The following ZFHX3 variants were observed in gnomAD, a reference collection of about 807,000 sequenced individuals.
ZFHX3 encodes zinc finger homeobox protein 3.
Under a neutral mutation model 279.1 loss-of-function variants are expected in ZFHX3, and 42 were observed. That is an observed-to-expected ratio of 0.15 (90% confidence interval 0.12 to 0.19). The LOEUF (loss-of-function observed/expected upper bound fraction) is 0.19. Ranked by LOEUF, ZFHX3 falls within the 10% of genes least tolerant of loss-of-function variation. ZFHX3 has a pLI of 1.00. For missense variants in ZFHX3, 4,981 were observed against 4,754.0 expected (o/e 1.05, Z -1.40); for synonymous variants, 2,293 against 1,957.8 (o/e 1.17, Z -4.52).
chr16:73,761,169 A>T (rs1001867745), intron 1 of ZFHX3, among the ~76,000 whole-genome samples: 8 of 152,110 alleles, frequency 5.3e-5, no homozygotes, highest in African/African-American at 1.7e-4. Flanking sequence ...CAAAAATCAT[A>T]AGCATTCCTA....
At chr16:73,706,945 T>C (rs2053310890) in intron 1 of ZFHX3, among the ~76,000 whole-genome samples, 1 of 152,210 alleles carries the variant, frequency 6.6e-6, no homozygotes, top group Non-Finnish European at 1.5e-5. Flanking sequence ...GCCCTGGCAG[T>C]GTATTGCACA....
intron 3 of ZFHX3, among the ~76,000 whole-genome samples, chr16:73,357,558 A>G (rs2016364862): frequency 6.6e-6 from 1 of 152,150 alleles, no homozygotes; most frequent in African/African-American, 2.4e-5. Context: ...AGCTACTTCA[A>G]TGTCACTGTG....
At chr16:73,378,068 A>AAAAT (rs2016755515) in intron 3 of ZFHX3, among the ~76,000 whole-genome samples, 1 of 144,322 alleles carries the variant, frequency 6.9e-6, no homozygotes, top group Non-Finnish European at 1.5e-5. Flanking sequence ...AAAAAAAAAA[A>AAAAT]ATCTTATACA....
At chr16:73,317,991 T>C (rs1283877576) in intron 4 of ZFHX3, among the ~76,000 whole-genome samples, 1 of 152,184 alleles carries the variant, frequency 6.6e-6, no homozygotes, top group Non-Finnish European at 1.5e-5. Flanking sequence ...AAGCATCCAT[T>C]TGGGTTATGA....
chr16:73,041,069 T>C (rs1353368161), intron 1 of ZFHX3, among the ~76,000 whole-genome samples: 6 of 152,228 alleles, frequency 3.9e-5, no homozygotes, highest in African/African-American at 9.6e-5. Context: ...CCATTCACTG[T>C]TGAGTCCCCA....
At chr16:73,290,417 G>A (rs2014738746) in intron 4 of ZFHX3, among the ~76,000 whole-genome samples, 1 of 152,220 alleles carries the variant, frequency 6.6e-6, no homozygotes, top group South Asian at 2.1e-4. Context: ...TCTAGGAAGA[G>A]GGAAGAGCCT....
At chr16:73,516,812 C>T (rs776052696) in intron 2 of ZFHX3, among the ~76,000 whole-genome samples, 2 of 152,176 alleles carry the variant, frequency 1.3e-5, no homozygotes, top group Non-Finnish European at 2.9e-5. Flanking sequence ...AGAGTATGTG[C>T]TGAATAGTTT....
At chr16:73,631,825 T>C (rs1335670789) in intron 2 of ZFHX3, among the ~76,000 whole-genome samples, 4 of 151,922 alleles carry the variant, frequency 2.6e-5, no homozygotes, top group Non-Finnish European at 1.5e-5. Flanking sequence ...GAGAATCACT[T>C]GAACCTGGGA....
intron 1 of ZFHX3, among the ~76,000 whole-genome samples, chr16:73,870,874 T>C (rs967937213): frequency 6.6e-6 from 1 of 152,126 alleles, no homozygotes; most frequent in Non-Finnish European, 1.5e-5. Flanking sequence ...CTTAAAACCT[T>C]TCCTTATATT....
upstream of ZFHX3, among the ~76,000 whole-genome samples, chr16:73,064,494 G>C (rs1258727137): frequency 1.3e-5 from 2 of 152,022 alleles, no homozygotes; most frequent in African/African-American, 4.8e-5. Flanking sequence ...TGGGGCAAGG[G>C]GGAGGGAACA....
intron 3 of ZFHX3, among the ~76,000 whole-genome samples, chr16:72,942,742 C>G (rs1402981217): frequency 6.6e-6 from 1 of 152,136 alleles, no homozygotes; most frequent in Non-Finnish European, 1.5e-5. Context: ...GTTCCTGACC[C>G]CTTTTTTAAG....
chr16:73,695,737 T>C (rs1295831945), intron 1 of ZFHX3, among the ~76,000 whole-genome samples: 2 of 152,142 alleles, frequency 1.3e-5, no homozygotes, highest in Non-Finnish European at 2.9e-5. Context: ...TTTGTGAAGC[T>C]CCGAATACAG....
intron 1 of ZFHX3, among the ~76,000 whole-genome samples, chr16:72,970,891 A>C (rs1007655067): frequency 2.0e-5 from 3 of 152,228 alleles, no homozygotes; most frequent in Admixed American, 1.3e-4. Context: ...ATGATGTCAA[A>C]TTTATGTTAA....
At chr16:72,830,181 C>G (rs1248173663) in intron 4 of ZFHX3, among the ~76,000 whole-genome samples, 1 of 152,240 alleles carries the variant, frequency 6.6e-6, no homozygotes, top group Non-Finnish European at 1.5e-5. Context: ...GAAGCAGTAA[C>G]TCCACCTGAA....
chr16:73,368,225 A>T (rs4888147), intron 3 of ZFHX3, among the ~76,000 whole-genome samples: 132,457 of 152,202 alleles, frequency 0.87, 58,108 homozygotes, highest in Non-Finnish European at 0.91. Flanking sequence ...GTTGAGCAGA[A>T]TAAATGAATT....
At chr16:72,791,575 A>G (rs1250388125) in intron 9 of ZFHX3, 1 of 152,244 alleles carries the variant, frequency 6.6e-6, no homozygotes. Flanking sequence ...TCTGGCCCTC[A>G]GATTTCTCAT....
intron 5 of ZFHX3, among the ~76,000 whole-genome samples, chr16:73,181,570 G>C (rs1967796847): frequency 6.6e-6 from 1 of 152,214 alleles, no homozygotes; most frequent in East Asian, 1.9e-4. Flanking sequence ...TTCATGAGTA[G>C]TCTCGGGGTT....
intron 5 of ZFHX3, among the ~76,000 whole-genome samples, chr16:72,815,217 A>G (rs1206955916): frequency 6.6e-6 from 1 of 152,066 alleles, no homozygotes; most frequent in African/African-American, 2.4e-5. Flanking sequence ...AGACCAGCCT[A>G]GGCAACATGG....
At chr16:73,524,413 G>C (rs2019657534) in intron 2 of ZFHX3, among the ~76,000 whole-genome samples, 1 of 152,146 alleles carries the variant, frequency 6.6e-6, no homozygotes, top group Admixed American at 6.5e-5. Context: ...CTGAAGTCTT[G>C]CGGCCTTTCC....
Sources: gnomAD v4.1 joint callset for allele counts (sites outside exome capture counted in the v4.1 genomes callset) on GRCh38, gnomAD v4.1.1 for gene constraint, MANE v1.5 for transcripts, NCBI Gene and HGNC (gene_info 2026-07-23, HGNC 2026-07-21) for gene names.